The following ELAPOR2 variants were observed in gnomAD, a reference collection of about 807,000 sequenced individuals.
ELAPOR2 encodes the protein endosome-lysosome associated apoptosis and autophagy regulator family member 2.
A neutral mutation model predicts 120.7 loss-of-function variants in ELAPOR2; 89 were observed. The ratio of observed to expected loss-of-function variants is 0.74; its 90% CI spans 0.62 to 0.88. The LOEUF (loss-of-function observed/expected upper bound fraction) is 0.88, where lower values mean the gene tolerates loss of function less well. Among genes scored for constraint, ELAPOR2 ranks in the 40% least tolerant of loss-of-function variants. ELAPOR2 has a pLI of 0.00. For synonymous variants in ELAPOR2, 444 were observed against 444.9 expected (o/e 1.00, Z 0.03); for missense variants, 1,134 against 1,251.6 (o/e 0.91, Z 1.42).
chr7:86,926,317 A>C (rs1342087147), intron 9 of ELAPOR2, among the ~76,000 whole-genome samples: 1 of 151,810 alleles, frequency 6.6e-6, no homozygotes, highest in Non-Finnish European at 1.5e-5. Flanking sequence ...TTTCACAAAC[A>C]TTTATACCTG....
At chr7:87,034,191 G>C (rs1448540807) in intron 1 of ELAPOR2, among the ~76,000 whole-genome samples, 1 of 152,104 alleles carries the variant, frequency 6.6e-6, no homozygotes, top group East Asian at 1.9e-4. Context: ...ATAGTCTGAT[G>C]GTGAAAAGTA....
intron 1 of ELAPOR2, among the ~76,000 whole-genome samples, chr7:87,036,853 GATCATTCAT>G (rs1250542139): frequency 6.6e-6 from 1 of 152,132 alleles, no homozygotes; most frequent in Non-Finnish European, 1.5e-5. Flanking sequence ...TGGGTGATGG[GATCATTCAT>G]ATCCCAAACC....
chr7:86,931,647 G>T (rs1303780626), intron 8 of ELAPOR2, among the ~76,000 whole-genome samples: 1 of 151,426 alleles, frequency 6.6e-6, no homozygotes, highest in Non-Finnish European at 1.5e-5. Flanking sequence ...CCTTCTATGT[G>T]CTAGGTACTA....
At chr7:87,005,482 G>A (rs1402222016) in intron 1 of ELAPOR2, among the ~76,000 whole-genome samples, 3 of 152,148 alleles carry the variant, frequency 2.0e-5, no homozygotes, top group Non-Finnish European at 4.4e-5. Context: ...TTGAAGGAAA[G>A]AGTATTCAGA....
In ELAPOR2 at chr7:86,916,034, T is replaced by C. The variant is rs75344613; in HGVS notation, c.1594-1174A>G. On this transcript the variant is annotated intron_variant, in intron 12 of 21. Coordinates refer to ENST00000450689, the MANE Select transcript of ELAPOR2 (RefSeq NM_001142749.3). Reference sequence around the variant, plus strand: ...ACTACATGATATTCAAAGCATTTTATATATTATTTGGTTTGAGATCTCCAA... The same window carrying C: ...ACTACATGATATTCAAAGCATTTTACATATTATTTGGTTTGAGATCTCCAA... Among the ~76,000 whole-genome samples the C allele has an allele frequency of 2.0e-3, 298 of 152,276 alleles. 3 individuals carry two copies. Among genetic ancestry groups the C allele is most frequent in the African/African-American group, 7.0e-3 (292 of 41,568 alleles).
chr7:86,956,758 T>C lies in ELAPOR2; in HGVS notation c.310+8146A>G, dbSNP rs536119380. On this transcript the variant is annotated intron_variant, in intron 2 of 21. Coordinates refer to ENST00000450689, the MANE Select transcript of ELAPOR2 (RefSeq NM_001142749.3). ...GGGGAGGGGAGAAATCTCAGTTCATTGGGCACAGGATGACACAAGGCTTAC... is the reference window on the plus strand; with the variant it reads ...GGGGAGGGGAGAAATCTCAGTTCATCGGGCACAGGATGACACAAGGCTTAC... Among the ~76,000 whole-genome samples the C allele has an allele frequency of 1.1e-4, 17 of 152,278 alleles. No homozygotes were observed. In the East Asian group the frequency reaches 2.7e-3, roughly 24 times the overall value.
intron 8 of ELAPOR2, among the ~76,000 whole-genome samples, chr7:86,927,153 G>C (rs373519007): frequency 6.6e-6 from 1 of 151,830 alleles, no homozygotes; most frequent in Non-Finnish European, 1.5e-5. Flanking sequence ...TACACAGCAT[G>C]TTCCTCATCA....
In ELAPOR2 at chr7:86,877,707, C is replaced by A. The variant is rs1042778625; in HGVS notation, c.*2764G>T. 3.3e-5 allele frequency: 5 copies of A among 152,142 alleles called. No individual in the cohort carries two copies. The highest frequency in any genetic ancestry group is 6.6e-5 in the Admixed American group (1 of 15,266). The allele number at this position is 152,142 out of a possible 1,614,324, so 9.4% of individuals were successfully genotyped here. ...AGTCAATCATGACCCACCTGGGGACCTGGAGACCCCAGATGCTAAAGACTG... is the reference window on the plus strand; with the variant it reads ...AGTCAATCATGACCCACCTGGGGACATGGAGACCCCAGATGCTAAAGACTG... On this transcript the variant is annotated 3_prime_UTR_variant, in exon 22 of 22. Coordinates refer to ENST00000450689, the MANE Select transcript of ELAPOR2 (RefSeq NM_001142749.3).
intron 1 of ELAPOR2, among the ~76,000 whole-genome samples, chr7:86,970,104 C>G (rs1792054719): frequency 6.6e-6 from 1 of 152,102 alleles, no homozygotes; most frequent in South Asian, 2.1e-4. Context: ...CTCAGATTAG[C>G]TCACATTAGT....
chr7:86,963,891 T>A (rs1791808971), intron 2 of ELAPOR2, among the ~76,000 whole-genome samples: 1 of 152,230 alleles, frequency 6.6e-6, no homozygotes, highest in Non-Finnish European at 1.5e-5. Context: ...TGAGGGGCTC[T>A]CAGGTTCTCC....
At chr7:86,953,559 T>A (rs1242406519) in intron 2 of ELAPOR2, among the ~76,000 whole-genome samples, 2 of 152,216 alleles carry the variant, frequency 1.3e-5, no homozygotes, top group Non-Finnish European at 2.9e-5. Flanking sequence ...TTAAAGACTG[T>A]ACTATTTTCA....
chr7:86,889,132 AG>A (rs1799831128), intron 21 of ELAPOR2, among the ~76,000 whole-genome samples: 1 of 152,088 alleles, frequency 6.6e-6, no homozygotes, highest in Admixed American at 6.6e-5. Context: ...CAGCCATCAA[AG>A]GCATTCAGGT....
intron 1 of ELAPOR2, among the ~76,000 whole-genome samples, chr7:86,988,947 T>C (rs950920323): frequency 6.6e-6 from 1 of 152,204 alleles, no homozygotes; most frequent in African/African-American, 2.4e-5. Context: ...AGTGAAAGCC[T>C]AATGAGTAAA....
intron 10 of ELAPOR2, among the ~76,000 whole-genome samples, chr7:86,922,035 T>C (rs1350620576): frequency 1.3e-5 from 2 of 152,094 alleles, no homozygotes; most frequent in Non-Finnish European, 2.9e-5. Flanking sequence ...GTCATCAATA[T>C]AAAAATTAAG....
intron 18 of ELAPOR2, among the ~76,000 whole-genome samples, chr7:86,901,880 G>A (rs755768808): frequency 7.2e-5 from 11 of 152,128 alleles, no homozygotes; most frequent in Non-Finnish European, 1.3e-4. Context: ...CCTCTTGTAT[G>A]GGGCCCAAAA....
chr7:86,962,099 C>T (rs1791736052), intron 2 of ELAPOR2, among the ~76,000 whole-genome samples: 2 of 152,198 alleles, frequency 1.3e-5, no homozygotes, highest in African/African-American at 4.8e-5. Flanking sequence ...TGATACCTGA[C>T]TTCTCATTAA....
At chr7:87,004,460 A>G (rs540003212) in intron 1 of ELAPOR2, among the ~76,000 whole-genome samples, 72 of 152,324 alleles carry the variant, frequency 4.7e-4, no homozygotes, top group Middle Eastern at 3.4e-3. Flanking sequence ...CACACCAAAC[A>G]TAATGCTGCT....
At chr7:86,992,688 C>T (rs1792984056) in intron 1 of ELAPOR2, among the ~76,000 whole-genome samples, 2 of 152,154 alleles carry the variant, frequency 1.3e-5, no homozygotes, top group Admixed American at 6.5e-5. Flanking sequence ...AATCTGTCCT[C>T]TCTGTCTTTC....
chr7:87,030,268 A>G (rs1478958362), intron 1 of ELAPOR2, among the ~76,000 whole-genome samples: 5 of 152,160 alleles, frequency 3.3e-5, no homozygotes, highest in Non-Finnish European at 5.9e-5. Context: ...TAAATGGGAC[A>G]TGTCAGTCAG....
Sources: allele counts gnomAD v4.1 joint callset (sites outside exome capture counted in the v4.1 genomes callset), GRCh38; gene constraint gnomAD v4.1.1; transcripts MANE v1.5; gene names NCBI Gene and HGNC (gene_info 2026-07-23, HGNC 2026-07-21).